Variants in PEX5L observed in about 807,000 individuals in gnomAD.
PEX5L encodes the protein peroxisomal biogenesis factor 5 like, also known as PEX5-related protein.
A neutral mutation model predicts 84.0 loss-of-function variants in PEX5L; 30 were observed. That is an observed-to-expected ratio of 0.36 (90% CI 0.27 to 0.48). The LOEUF (loss-of-function observed/expected upper bound fraction) is 0.48, where lower values mean the gene tolerates loss of function less well. Ranked by LOEUF, PEX5L falls within the 20% of genes least tolerant of loss-of-function variation. The pLI is 0.99. For synonymous variants in PEX5L, 270 were observed against 283.1 expected (o/e 0.95, Z 0.46); for missense variants, 533 against 754.6 (o/e 0.71, Z 3.44).
At chr3:180,017,979 T>C (rs1202175882) in intron 1 of PEX5L, among the ~76,000 whole-genome samples, 4 of 152,190 alleles carry the variant, frequency 2.6e-5, no homozygotes, top group Admixed American at 6.5e-5. Context: ...TGCTCTGTGT[T>C]TCTCAGATTT....
intron 2 of PEX5L, among the ~76,000 whole-genome samples, chr3:179,915,545 GA>G (rs1766742903): frequency 6.6e-6 from 1 of 152,202 alleles, no homozygotes; most frequent in South Asian, 2.1e-4. Flanking sequence ...GGAAAAAGTT[GA>G]AAATTGCAGT....
At chr3:179,822,149 T>C (rs958003443) in intron 8 of PEX5L, among the ~76,000 whole-genome samples, 2 of 152,228 alleles carry the variant, frequency 1.3e-5, no homozygotes, top group Non-Finnish European at 2.9e-5. Flanking sequence ...AATTTTACAA[T>C]GTTTGCTGAC....
At chr3:179,931,047 AACAC>A (rs1379680192) in intron 2 of PEX5L, among the ~76,000 whole-genome samples, 3 of 152,210 alleles carry the variant, frequency 2.0e-5, no homozygotes, top group Non-Finnish European at 4.4e-5. Context: ...TAAATTAAAA[AACAC>A]ACACACATAC....
At chr3:179,943,575 C>G (rs1578768104) in intron 2 of PEX5L, among the ~76,000 whole-genome samples, 1 of 152,320 alleles carries the variant, frequency 6.6e-6, no homozygotes, top group East Asian at 1.9e-4. Context: ...AGTTTCTGCT[C>G]ACTGGAAGCT....
At position 179,837,730 on chromosome 3, in the gene PEX5L, AC is replaced by A. The variant is rs143004326; in HGVS notation, c.823-17755del. Among the ~76,000 whole-genome samples, 48 of 152,378 alleles carry A rather than the reference AC, an allele frequency of 3.2e-4. No homozygotes were observed. In the East Asian group the frequency reaches 9.1e-3, roughly 29 times the overall value. ...AGTGGAATTGCTACCTACTAGCTGA[AC>A]ATGGAGAAATCTGTGCAGTTGCTGG... is the stretch of plus-strand genomic sequence containing the variant. On this transcript the variant is annotated intron_variant, in intron 8 of 14. Transcript: ENST00000467460.
chr3:179,809,696 G>C, intron 11 of PEX5L, 28 bp from the exon 12 acceptor site: 1 of 1,550,864 alleles, frequency 6.4e-7, no homozygotes, highest in Non-Finnish European at 8.7e-7. Context: ...GCCAATTTCA[G>C]ATTTTTTTTT....
rs112980227 is a variant in PEX5L, at chr3:179,844,861, A to C, written c.822+14201T>G. Among the ~76,000 whole-genome samples, 59 of 152,250 alleles carry C rather than the reference A, an allele frequency of 3.9e-4. 1 individual carries two copies. The highest frequency in any genetic ancestry group is 7.7e-4 in the African/African-American group (32 of 41,538). Reference sequence around the variant, plus strand: ...AAAACAAAACAAAAAATATTAAATAAATAAATGCATCTTTCTCCAGTGTGT... The same window carrying C: ...AAAACAAAACAAAAAATATTAAATACATAAATGCATCTTTCTCCAGTGTGT... On this transcript the variant is annotated intron_variant, in intron 8 of 14. Coordinates refer to ENST00000467460, the MANE Select transcript of PEX5L (RefSeq NM_016559.3).
intron 3 of PEX5L, among the ~76,000 whole-genome samples, chr3:179,896,608 G>A (rs1759386451): frequency 6.6e-6 from 1 of 152,100 alleles, no homozygotes; most frequent in East Asian, 1.9e-4. Context: ...ACAGCAATGC[G>A]TGATTTTGTG....
At chr3:179,965,902 A>G (rs1478783702) in intron 2 of PEX5L, among the ~76,000 whole-genome samples, 1 of 152,166 alleles carries the variant, frequency 6.6e-6, no homozygotes, top group Non-Finnish European at 1.5e-5. Context: ...CACTCTAGTA[A>G]CTTTTCTATT....
chr3:179,853,654 T>C (rs6767081), intron 8 of PEX5L, among the ~76,000 whole-genome samples: 73,475 of 151,968 alleles, frequency 0.48, 19,245 homozygotes, highest in East Asian at 0.75. Flanking sequence ...CTCTCTTTTG[T>C]TCAGGGAAGA....
intron 1 of PEX5L, among the ~76,000 whole-genome samples, chr3:179,986,419 T>C (rs1481515770): frequency 2.5e-5 from 3 of 118,870 alleles, no homozygotes; most frequent in African/African-American, 1.0e-4. Flanking sequence ...TTTTTTTTTT[T>C]TGAGAGGGAG....
At chr3:180,009,968 G>C in intron 1 of PEX5L, among the ~76,000 whole-genome samples, 1 of 152,078 alleles carries the variant, frequency 6.6e-6, no homozygotes, top group Admixed American at 6.5e-5. Flanking sequence ...ATTTGAGACA[G>C]AGTCTCACTC....
intron 2 of PEX5L, among the ~76,000 whole-genome samples, chr3:179,899,110 C>G (rs1760369761): frequency 4.0e-5 from 6 of 151,878 alleles, no homozygotes; most frequent in Admixed American, 3.9e-4. Context: ...GAATTATAAA[C>G]TGTAAAGGGA....
chr3:179,890,931 C>T (rs1757415788), intron 3 of PEX5L, among the ~76,000 whole-genome samples: 1 of 151,614 alleles, frequency 6.6e-6, no homozygotes, highest in Admixed American at 6.6e-5. Flanking sequence ...AGAGCCCTGT[C>T]CTTTTGGGCC....
At chr3:179,988,904 C>G (rs940372007) in intron 1 of PEX5L, among the ~76,000 whole-genome samples, 1 of 152,198 alleles carries the variant, frequency 6.6e-6, no homozygotes, top group African/African-American at 2.4e-5. Context: ...GATATATATT[C>G]AAGTGCCATT....
At chr3:179,915,960 G>A (rs1173701106) in intron 2 of PEX5L, among the ~76,000 whole-genome samples, 1 of 152,110 alleles carries the variant, frequency 6.6e-6, no homozygotes, top group Non-Finnish European at 1.5e-5. Flanking sequence ...CTCTTTGAGT[G>A]GATACAATTA....
In PEX5L at chr3:179,809,680, A is replaced by AAG; in HGVS notation, c.1155-13_1155-12insCT. 6.3e-7 allele frequency: 1 copy of AAG among 1,577,426 alleles called. No homozygotes were observed. The highest frequency in any genetic ancestry group is 8.6e-7 in the Non-Finnish European group (1 of 1,169,348). Reference sequence around the variant, plus strand: ...GTAATTCTAAGCACCTGAAAAAAAAAAAGAAGCCAATTTCAGATTTTTTTT... The same window carrying AAG: ...GTAATTCTAAGCACCTGAAAAAAAAAAGAAGAAGCCAATTTCAGATTTTTTTT... On this transcript the variant is annotated splice_polypyrimidine_tract_variant and intron_variant, in intron 11 of 14. Coordinates refer to ENST00000467460, the MANE Select transcript of PEX5L (RefSeq NM_016559.3).
At chr3:180,028,721 G>T (rs562482826) in intron 1 of PEX5L, among the ~76,000 whole-genome samples, 1 of 152,302 alleles carries the variant, frequency 6.6e-6, no homozygotes, top group African/African-American at 2.4e-5. Flanking sequence ...GAGATGAGAA[G>T]GTTGAAGAAA....
At chr3:179,921,020 A>G (rs1000221792) in intron 2 of PEX5L, among the ~76,000 whole-genome samples, 4 of 152,110 alleles carry the variant, frequency 2.6e-5, no homozygotes, top group East Asian at 1.9e-4. Flanking sequence ...ACCCTAATCA[A>G]TTACACAGTT....
Sources: allele counts gnomAD v4.1 joint callset (sites outside exome capture counted in the v4.1 genomes callset), GRCh38; gene constraint gnomAD v4.1.1; transcripts MANE v1.5; gene names NCBI Gene and HGNC (gene_info 2026-07-23, HGNC 2026-07-21).